The following FARS2 variants were observed in gnomAD, a reference collection of about 807,000 sequenced individuals.
The protein encoded by FARS2 is phenylalanine--tRNA ligase, mitochondrial.
In FARS2, 40 loss-of-function variants were observed where a neutral mutation model predicts 46.4. The observed-to-expected ratio is 0.86, with a 90% confidence interval of 0.67 to 1.12. The LOEUF is 1.12. FARS2 is among the 50% of genes most tolerant of loss of function. The probability of loss-of-function intolerance (pLI) is 0.00; values close to 1 mark genes in which losing one functional copy is unlikely to be tolerated. For missense variants in FARS2, 513 were observed against 567.9 expected (o/e 0.90, Z 0.98); for synonymous variants, 234 against 214.9 (o/e 1.09, Z -0.78).
chr6:5,491,250 CT>C (rs1767089699), intron 4 of FARS2, among the ~76,000 whole-genome samples: 1 of 152,228 alleles, frequency 6.6e-6, no homozygotes, highest in East Asian at 1.9e-4. Context: ...TTGTCCAAAT[CT>C]TTTGCCCATT....
intron 4 of FARS2, among the ~76,000 whole-genome samples, chr6:5,492,733 G>A (rs151106914): frequency 1.3e-5 from 2 of 152,244 alleles, no homozygotes; most frequent in African/African-American, 4.8e-5. Context: ...AGTAAGCTGA[G>A]AATCTCATAT....
rs577359222 is a variant in FARS2, at chr6:5,703,710, C to T, written c.1218-67581C>T. ...GGCCTGAGAGTCTCTTCAAGGCAGA[C>T]AGCTCCTCTGCTTCCGTGCAAAGGT... On this transcript the variant is annotated intron_variant, in intron 6 of 6. Transcript: ENST00000274680. Among the ~76,000 whole-genome samples the T allele has an allele frequency of 3.3e-5, 5 of 152,290 alleles. 1 individual carries two copies. In the South Asian group the frequency reaches 8.3e-4, roughly 25 times the overall value.
chr6:5,299,679 C>T (rs1437374347), intron 1 of FARS2, among the ~76,000 whole-genome samples: 1 of 150,142 alleles, frequency 6.7e-6, no homozygotes, highest in African/African-American at 2.5e-5. Context: ...TGCTATCCCT[C>T]CCCCAGCCCC....
Position 5,727,736 on chromosome 6 carries a change from G to T in FARS2, c.1218-43555G>T, listed in dbSNP as rs1561824472. ...AGTGCCACAGGGATCATATTTTCAG[G>T]TGCATTTTCTTCCAATGCACTCTGA... is the stretch of plus-strand genomic sequence containing the variant. On this transcript the variant is annotated intron_variant, in intron 6 of 6. Transcript: ENST00000274680. This position sits in a 1 kb window ranked among gnomAD's most constrained non-coding sequence, Gnocchi z 4.1. Among the ~76,000 whole-genome samples the T allele has an allele frequency of 6.6e-6, 1 of 152,170 alleles. No individual in the cohort carries two copies. The highest frequency in any genetic ancestry group is 2.4e-5 in the African/African-American group (1 of 41,442).
intron 1 of FARS2, among the ~76,000 whole-genome samples, chr6:5,296,866 A>G (rs1411451396): frequency 6.6e-6 from 1 of 152,218 alleles, no homozygotes; most frequent in Non-Finnish European, 1.5e-5. Flanking sequence ...GCTATTATGA[A>G]TAAGACTGCT....
intron 3 of FARS2, among the ~76,000 whole-genome samples, chr6:5,424,346 G>C (rs1762727815): frequency 6.6e-6 from 1 of 152,206 alleles, no homozygotes; most frequent in South Asian, 2.1e-4. Context: ...AGGGTATTTA[G>C]TCACAGCATT....
intron 1 of FARS2, among the ~76,000 whole-genome samples, chr6:5,345,845 T>C (rs922886100): frequency 2.0e-5 from 3 of 152,224 alleles, no homozygotes; most frequent in Non-Finnish European, 4.4e-5. Flanking sequence ...AATAGGCCTA[T>C]AATCTTTCAC....
intron 4 of FARS2, among the ~76,000 whole-genome samples, chr6:5,462,280 A>G (rs1293555733): frequency 6.6e-6 from 1 of 152,050 alleles, no homozygotes; most frequent in Admixed American, 6.6e-5. Context: ...AGAGTTCTTT[A>G]TATATTCTAG....
intron 6 of FARS2, among the ~76,000 whole-genome samples, chr6:5,703,224 G>T (rs968340672): frequency 3.9e-5 from 6 of 152,192 alleles, no homozygotes; most frequent in Non-Finnish European, 8.8e-5. Flanking sequence ...TCACACTGTT[G>T]TGATTCTGAA....
intron 2 of FARS2, among the ~76,000 whole-genome samples, chr6:5,396,916 G>T (rs533559965): frequency 1.8e-4 from 28 of 152,196 alleles, no homozygotes; most frequent in Admixed American, 1.8e-3. Context: ...AGGCCCTCAC[G>T]TTTCCCCCTG....
intron 6 of FARS2, among the ~76,000 whole-genome samples, chr6:5,737,256 G>C (rs1305537541): frequency 6.6e-6 from 1 of 152,212 alleles, no homozygotes; most frequent in Non-Finnish European, 1.5e-5. Context: ...ATCCTGGCCG[G>C]GCGCAATGGC....
intron 1 of FARS2, among the ~76,000 whole-genome samples, chr6:5,326,175 C>T (rs919316857): frequency 1.3e-5 from 2 of 151,930 alleles, no homozygotes; most frequent in Admixed American, 6.6e-5. Flanking sequence ...CTGAATGCAG[C>T]GTTATTTATT....
At chr6:5,704,326 C>T (rs1021161238) in intron 6 of FARS2, among the ~76,000 whole-genome samples, 13 of 152,196 alleles carry the variant, frequency 8.5e-5, no homozygotes, top group African/African-American at 3.1e-4. Context: ...CCAATCCCTT[C>T]ATAAGGGCTC....
At chr6:5,459,224 T>C (rs1765091363) in intron 4 of FARS2, among the ~76,000 whole-genome samples, 1 of 152,214 alleles carries the variant, frequency 6.6e-6, no homozygotes, top group Non-Finnish European at 1.5e-5. Flanking sequence ...ATGGAAACTC[T>C]TGGATACATC....
At chr6:5,386,844 C>G (rs6925333) in intron 2 of FARS2, among the ~76,000 whole-genome samples, 30,307 of 151,960 alleles carry the variant, frequency 0.2, 3,552 homozygotes, top group Middle Eastern at 0.28. Flanking sequence ...GCAGGTGCAT[C>G]TGTGTATCTG....
intron 1 of FARS2, among the ~76,000 whole-genome samples, chr6:5,339,344 G>A (rs1364397237): frequency 6.6e-6 from 1 of 152,058 alleles, no homozygotes; most frequent in African/African-American, 2.4e-5. Context: ...AATAATATCA[G>A]TGATAATGTC....
intron 6 of FARS2, among the ~76,000 whole-genome samples, chr6:5,734,290 C>A (rs943363567): frequency 7.9e-5 from 12 of 152,216 alleles, no homozygotes; most frequent in Non-Finnish European, 1.6e-4. Flanking sequence ...TCCTGAATCC[C>A]CATTATCCTG....
intron 6 of FARS2, among the ~76,000 whole-genome samples, chr6:5,719,598 C>T (rs1759757353): frequency 6.6e-6 from 1 of 152,052 alleles, no homozygotes; most frequent in African/African-American, 2.4e-5. Flanking sequence ...TCAATGCCCT[C>T]GTGAGGCCTC....
intron 4 of FARS2, among the ~76,000 whole-genome samples, chr6:5,480,627 TTTGGGAAA>T (rs1766394139): frequency 6.6e-6 from 1 of 152,212 alleles, no homozygotes; most frequent in Non-Finnish European, 1.5e-5. Context: ...TCAAGCACAT[TTTGGGAAA>T]TTGTCAAAGA....
Sources: allele counts gnomAD v4.1 joint callset (sites outside exome capture counted in the v4.1 genomes callset), GRCh38; gene constraint gnomAD v4.1.1; non-coding constraint Gnocchi (gnomAD v3.1); transcripts MANE v1.5; gene names NCBI Gene and HGNC (gene_info 2026-07-23, HGNC 2026-07-21).